The following NRG3 variants were observed in gnomAD, a reference collection of about 807,000 sequenced individuals.
The protein encoded by NRG3 is neuregulin 3, also known as pro-neuregulin-3, membrane-bound isoform.
In NRG3, 31 loss-of-function variants were observed where a neutral mutation model predicts 66.9. The ratio of observed to expected loss-of-function variants is 0.46; its 90% CI spans 0.35 to 0.63. The LOEUF (loss-of-function observed/expected upper bound fraction) is 0.63. Ranked by LOEUF, NRG3 falls within the 20% of genes least tolerant of loss-of-function variation. The pLI is 0.00. For missense variants in NRG3, 910 were observed against 878.9 expected (o/e 1.04, Z -0.45); for synonymous variants, 393 against 359.4 (o/e 1.09, Z -1.06).
chr10:82,226,272 A>C (rs997528269), intron 1 of NRG3, among the ~76,000 whole-genome samples: 2 of 152,172 alleles, frequency 1.3e-5, no homozygotes, highest in Non-Finnish European at 2.9e-5. Flanking sequence ...TTTGTACATC[A>C]AGGAATTCTC....
At chr10:82,316,590 G>A (rs974423276) in intron 1 of NRG3, among the ~76,000 whole-genome samples, 2 of 152,124 alleles carry the variant, frequency 1.3e-5, no homozygotes, top group African/African-American at 2.4e-5. Flanking sequence ...ACTGTGGCCC[G>A]CATTACACAT....
chr10:82,439,987 G>A (rs1260079971), intron 2 of NRG3, among the ~76,000 whole-genome samples: 8 of 151,944 alleles, frequency 5.3e-5, no homozygotes, highest in Non-Finnish European at 8.8e-5. Flanking sequence ...AACATTGTAC[G>A]TTATTCAGCT....
At chr10:82,590,744 C>T (rs2046936907) in intron 2 of NRG3, among the ~76,000 whole-genome samples, 1 of 152,138 alleles carries the variant, frequency 6.6e-6, no homozygotes, top group Non-Finnish European at 1.5e-5. Flanking sequence ...TGTTGATGCT[C>T]AACATCAGGT....
chr10:82,955,446 C>A (rs1361620670), intron 5 of NRG3, among the ~76,000 whole-genome samples: 1 of 151,874 alleles, frequency 6.6e-6, no homozygotes, highest in South Asian at 2.1e-4. Flanking sequence ...GTAAATTATT[C>A]AAGTTTTTCT....
At chr10:82,195,449 C>T (rs2074394275) in intron 1 of NRG3, among the ~76,000 whole-genome samples, 1 of 152,142 alleles carries the variant, frequency 6.6e-6, no homozygotes, top group African/African-American at 2.4e-5. Context: ...ACTATCAGCA[C>T]CAACTCCACA....
At chr10:82,142,457 G>T (rs992998881) in intron 1 of NRG3, among the ~76,000 whole-genome samples, 1 of 152,192 alleles carries the variant, frequency 6.6e-6, no homozygotes, top group Non-Finnish European at 1.5e-5. Context: ...GATAAGGGCT[G>T]GGTGTTCAGT....
intron 3 of NRG3, among the ~76,000 whole-genome samples, chr10:82,845,084 C>T (rs574858251): frequency 6.1e-4 from 93 of 152,146 alleles, no homozygotes; most frequent in Middle Eastern, 3.4e-3. Context: ...GAACCCGGGA[C>T]GCAGAGGTTG....
At chr10:82,333,049 G>GAA (rs2082214741) in intron 1 of NRG3, among the ~76,000 whole-genome samples, 1 of 152,180 alleles carries the variant, frequency 6.6e-6, no homozygotes, top group Non-Finnish European at 1.5e-5. Context: ...CTTGCATAAG[G>GAA]AAAACAGTCT....
At chr10:82,529,275 C>T (rs1487377535) in intron 2 of NRG3, among the ~76,000 whole-genome samples, 1 of 152,202 alleles carries the variant, frequency 6.6e-6, no homozygotes, top group Non-Finnish European at 1.5e-5. Context: ...CCCCCAGCAA[C>T]CACTTGGTGT....
At chr10:82,182,102 G>GT (rs145542042) in intron 1 of NRG3, among the ~76,000 whole-genome samples, 4,212 of 149,438 alleles carry the variant, frequency 0.028, 212 homozygotes, top group African/African-American at 0.099. Context: ...AATGGAACAT[G>GT]TTTTTTTTTC....
intron 1 of NRG3, among the ~76,000 whole-genome samples, chr10:81,935,924 C>G (rs1176830959): frequency 3.4e-5 from 5 of 145,422 alleles, no homozygotes; most frequent in Non-Finnish European, 7.5e-5. Context: ...CACACACACA[C>G]AGTTTCCTGT....
chr10:82,648,733 G>A (rs2051164735), intron 2 of NRG3, among the ~76,000 whole-genome samples: 1 of 152,098 alleles, frequency 6.6e-6, no homozygotes, highest in Admixed American at 6.5e-5. Flanking sequence ...TCCCTTGTAA[G>A]TTGGATTCCT....
intron 3 of NRG3, among the ~76,000 whole-genome samples, chr10:82,816,828 G>T (rs905765302): frequency 2.0e-5 from 3 of 152,176 alleles, no homozygotes; most frequent in African/African-American, 7.2e-5. Context: ...TGCTTCTCCT[G>T]CTGCAACTGG....
chr10:82,415,392 A>G (rs1407465875), intron 2 of NRG3, among the ~76,000 whole-genome samples: 3 of 152,190 alleles, frequency 2.0e-5, no homozygotes, highest in Admixed American at 2.0e-4. Flanking sequence ...AGTGCTTACC[A>G]CAAAGGTTTG....
At chr10:82,277,290 A>C (rs771226864) in intron 1 of NRG3, among the ~76,000 whole-genome samples, 1 of 152,092 alleles carries the variant, frequency 6.6e-6, no homozygotes, top group Non-Finnish European at 1.5e-5. Flanking sequence ...GATGGTTTTC[A>C]CTGGAACAGA....
chr10:82,283,574 A>G (rs559418452), intron 1 of NRG3, among the ~76,000 whole-genome samples: 2 of 152,334 alleles, frequency 1.3e-5, no homozygotes, highest in South Asian at 2.1e-4. Flanking sequence ...CCAACATTCT[A>G]TAAGAAAACA....
intron 4 of NRG3, among the ~76,000 whole-genome samples, chr10:82,924,066 G>T (rs1469296251): frequency 7.0e-6 from 1 of 143,760 alleles, no homozygotes; most frequent in Non-Finnish European, 1.5e-5. Flanking sequence ...TCCAGCCTGG[G>T]CAACATAGCG....
chr10:82,437,137 G>A (rs1051878592), intron 2 of NRG3, among the ~76,000 whole-genome samples: 5 of 152,044 alleles, frequency 3.3e-5, no homozygotes, highest in African/African-American at 1.2e-4. Flanking sequence ...GTGTTTTCCA[G>A]TTTGTTTCCA....
chr10:82,204,949 A>G (rs978190194), intron 1 of NRG3, among the ~76,000 whole-genome samples: 6 of 152,228 alleles, frequency 3.9e-5, no homozygotes, highest in South Asian at 2.1e-4. Context: ...ATTGCTGCCT[A>G]TATGTCACAT....
Sources: gnomAD v4.1 joint callset for allele counts (sites outside exome capture counted in the v4.1 genomes callset) on GRCh38, gnomAD v4.1.1 for gene constraint, MANE v1.5 for transcripts, NCBI Gene and HGNC (gene_info 2026-07-23, HGNC 2026-07-21) for gene names.